The following PLCH1 variants were observed in gnomAD, a reference collection of about 807,000 sequenced individuals.
PLCH1 encodes 1-phosphatidylinositol 4,5-bisphosphate phosphodiesterase eta-1.
A neutral mutation model predicts 126.7 loss-of-function variants in PLCH1; 60 were observed. The ratio of observed to expected loss-of-function variants is 0.47; its 90% CI spans 0.38 to 0.59. PLCH1 has a LOEUF of 0.59. Ranked by LOEUF, PLCH1 falls within the 20% of genes least tolerant of loss-of-function variation. The probability of loss-of-function intolerance (pLI) is 0.00; values close to 1 mark genes in which losing one functional copy is unlikely to be tolerated. For synonymous variants in PLCH1, 719 were observed against 734.9 expected, an observed-to-expected ratio of 0.98 and a Z score of 0.35; for missense variants, 1,723 against 2,040.0, an observed-to-expected ratio of 0.84 and a Z score of 2.99.
intron 10 of PLCH1, among the ~76,000 whole-genome samples, chr3:155,547,348 T>C (rs1725479116): frequency 1.3e-5 from 2 of 151,592 alleles, no homozygotes; most frequent in Non-Finnish European, 2.9e-5. Flanking sequence ...AGATACCATC[T>C]CACACCAGTT....
intron 10 of PLCH1, among the ~76,000 whole-genome samples, chr3:155,542,407 C>T (rs966908411): frequency 1.3e-5 from 2 of 152,210 alleles, no homozygotes; most frequent in African/African-American, 4.8e-5. Context: ...TGGAGCCCAC[C>T]ACAGCTTAAG....
chr3:155,461,689 G>T (rs1712734719), intron 21 of PLCH1, among the ~76,000 whole-genome samples: 1 of 152,208 alleles, frequency 6.6e-6, no homozygotes, highest in Non-Finnish European at 1.5e-5. Context: ...GGTATGATAT[G>T]TTGAGGTTCT....
intron 3 of PLCH1, among the ~76,000 whole-genome samples, chr3:155,595,478 G>T (rs1732869238): frequency 6.6e-6 from 1 of 152,122 alleles, no homozygotes; most frequent in Admixed American, 6.5e-5. Flanking sequence ...TCAGCCCAAG[G>T]TTCTGCCACC....
intron 2 of PLCH1, among the ~76,000 whole-genome samples, chr3:155,645,253 C>G (rs948141715): frequency 8.5e-5 from 13 of 152,164 alleles, no homozygotes; most frequent in African/African-American, 3.1e-4. Context: ...GGCTACAGCA[C>G]TGTGGCTATT....
intron 21 of PLCH1, among the ~76,000 whole-genome samples, chr3:155,459,715 C>G (rs1025019078): frequency 1.2e-4 from 18 of 152,094 alleles, no homozygotes; most frequent in African/African-American, 4.1e-4. Context: ...AGGGTTGACT[C>G]TAATAGCAAT....
intron 21 of PLCH1, among the ~76,000 whole-genome samples, chr3:155,463,820 C>T (rs572202851): frequency 2.6e-5 from 4 of 152,242 alleles, no homozygotes; most frequent in African/African-American, 9.6e-5. Context: ...TTAGTCATCA[C>T]CACACACACA....
At chr3:155,555,655 G>A (rs1726729006) in intron 8 of PLCH1, among the ~76,000 whole-genome samples, 1 of 152,162 alleles carries the variant, frequency 6.6e-6, no homozygotes, top group South Asian at 2.1e-4. Context: ...AAGCTCACAG[G>A]CTTGTTCTTC....
Position 155,671,579 on chromosome 3 carries a change from A to T in PLCH1, c.79+32567T>A, listed in dbSNP as rs1015555544. Among the ~76,000 whole-genome samples the T allele has an allele frequency of 2.0e-5, 3 of 152,202 alleles. 1 individual carries two copies. The South Asian group carries it at 6.2e-4, about 31-fold the overall frequency. ...AAAGAATGAAAAAATAATTATACTA[A>T]GAGAAGTTAGGAGGGATAAAAGAGG... On this transcript the variant is annotated intron_variant, in intron 2 of 22. Transcript: ENST00000460012.
intron 1 of PLCH1, among the ~76,000 whole-genome samples, chr3:155,720,919 C>T (rs1577366572): frequency 6.6e-6 from 1 of 152,286 alleles, no homozygotes; most frequent in Non-Finnish European, 1.5e-5. Flanking sequence ...GAGAAGCATC[C>T]AGTTTCATTC....
chr3:155,470,326 G>A (rs1315256130), intron 21 of PLCH1, among the ~76,000 whole-genome samples: 1 of 152,192 alleles, frequency 6.6e-6, no homozygotes, highest in Non-Finnish European at 1.5e-5. Context: ...AAGGGTATCA[G>A]CGATAGAAGA....
chr3:155,494,978 T>G (rs1468715259), intron 15 of PLCH1, among the ~76,000 whole-genome samples: 1 of 152,052 alleles, frequency 6.6e-6, no homozygotes. Flanking sequence ...AAAACATGTA[T>G]TACTAGTAAC....
chr3:155,696,488 TC>T (rs1279360952), intron 2 of PLCH1, among the ~76,000 whole-genome samples: 2 of 152,140 alleles, frequency 1.3e-5, no homozygotes, highest in African/African-American at 4.8e-5. Context: ...TTTTTCATCC[TC>T]CCATCAATTT....
rs139354590 is a variant in PLCH1 at position 155,652,501 on chromosome 3, C to T, written c.79+51645G>A. ...GTTTTTTTGCGTGTGTGTGTGGGAC[C>T]TTGTTGAACACATTCGCATTTTATG... On this transcript the variant is annotated intron_variant, in intron 2 of 22. Transcript: ENST00000460012. 1.3e-3 allele frequency among the ~76,000 whole-genome samples: 205 copies of T among 152,254 alleles called. 1 individual carries two copies. Among genetic ancestry groups the T allele is most frequent in the African/African-American group, 4.8e-3 (198 of 41,562 alleles).
intron 2 of PLCH1, among the ~76,000 whole-genome samples, chr3:155,606,310 C>T (rs1357549306): frequency 1.3e-5 from 2 of 152,106 alleles, no homozygotes; most frequent in African/African-American, 2.4e-5. Context: ...GAGGAGACCC[C>T]GTTTTAGGAA....
At chr3:155,544,719 C>T (rs1291146140) in intron 10 of PLCH1, among the ~76,000 whole-genome samples, 3 of 151,888 alleles carry the variant, frequency 2.0e-5, no homozygotes, top group Non-Finnish European at 4.4e-5. Flanking sequence ...AACTAGAACT[C>T]AGGATTAAGA....
intron 2 of PLCH1, among the ~76,000 whole-genome samples, chr3:155,599,030 T>A (rs959135968): frequency 1.8e-5 from 2 of 110,242 alleles, no homozygotes; most frequent in African/African-American, 3.5e-5. Context: ...CCTCCCCATA[T>A]GAAGATACAG....
intron 2 of PLCH1, among the ~76,000 whole-genome samples, chr3:155,603,580 T>C (rs1734007673): frequency 6.6e-6 from 1 of 152,108 alleles, no homozygotes; most frequent in South Asian, 2.1e-4. Flanking sequence ...CTTCAGAAGG[T>C]AACTGAATAT....
chr3:155,583,507 C>T lies in PLCH1; in HGVS notation c.736G>A (p.Glu246Lys). Residue 246 changes from glutamate (E) to lysine (K), a missense_variant, in exon 6 of 23, where the codon GAA becomes AAA. Around this residue, in one of 2 missense-constraint regions of PLCH1, gnomAD observed 776 missense variants for 1,062.9 expected, o/e 0.73. Transcript: ENST00000460012. ...ACCTTCAAAAACTGAGCCAGTTCTT[C>T]CACAGTTAGGTGATCTTTCTTGTCA... ...YSDKKDHLTVEELAQFLKVEQ... is the reference protein window; with the variant it reads ...YSDKKDHLTVKELAQFLKVEQ... The T allele has an allele frequency of 1.2e-6, 2 of 1,606,584 alleles. No individual in the cohort carries two copies. The highest frequency in any genetic ancestry group is 1.1e-5 in the South Asian group (1 of 89,438).
intron 2 of PLCH1, among the ~76,000 whole-genome samples, chr3:155,609,557 C>A (rs1342541262): frequency 6.6e-6 from 1 of 151,792 alleles, no homozygotes; most frequent in East Asian, 1.9e-4. Context: ...CTGTGAATTG[C>A]CAGAAAAAAA....
Sources: gnomAD v4.1 joint callset for allele counts (sites outside exome capture counted in the v4.1 genomes callset) on GRCh38, gnomAD v4.1.1 for gene constraint, gnomAD v4.1.1 regional missense constraint, MANE v1.5 for transcripts, NCBI Gene and HGNC (gene_info 2026-07-23, HGNC 2026-07-21) for gene names.